NKAIN3: variants seen among roughly 807,000 people sequenced by gnomAD.
The protein encoded by NKAIN3 is sodium/potassium transporting ATPase interacting 3, also known as sodium/potassium-transporting ATPase subunit beta-1-interacting protein 3.
NKAIN3 carries 25 observed loss-of-function variants against 30.2 expected under a neutral mutation model. The ratio of observed to expected loss-of-function variants is 0.83; its 90% CI spans 0.60 to 1.16. The LOEUF (loss-of-function observed/expected upper bound fraction) is 1.16. Among genes scored for constraint, NKAIN3 ranks in the 50% most tolerant of loss-of-function variants. The pLI, the probability that NKAIN3 is intolerant of heterozygous loss-of-function variation, is 0.00. For missense variants in NKAIN3, 225 were observed against 254.1 expected (o/e 0.89, Z 0.78); for synonymous variants, 91 against 89.6 (o/e 1.02, Z -0.09).
intron 1 of NKAIN3, among the ~76,000 whole-genome samples, chr8:62,542,650 G>T (rs1178907019): frequency 6.6e-6 from 1 of 152,046 alleles, no homozygotes; most frequent in Admixed American, 6.5e-5. Flanking sequence ...TGACTAATTT[G>T]TAATTACTCA....
At chr8:62,269,250 C>G (rs373802284) in intron 1 of NKAIN3, among the ~76,000 whole-genome samples, 1 of 152,190 alleles carries the variant, frequency 6.6e-6, no homozygotes, top group African/African-American at 2.4e-5. Context: ...TGTGCCTTAG[C>G]TAGGCTTTCC....
At chr8:62,808,285 A>G (rs1818368821) in intron 4 of NKAIN3, among the ~76,000 whole-genome samples, 1 of 152,094 alleles carries the variant, frequency 6.6e-6, no homozygotes, top group Non-Finnish European at 1.5e-5. Context: ...AAACTTGTGA[A>G]CTCTTTAGTA....
intron 1 of NKAIN3, among the ~76,000 whole-genome samples, chr8:62,330,547 A>G (rs1051695359): frequency 2.0e-5 from 3 of 151,992 alleles, no homozygotes; most frequent in Non-Finnish European, 4.4e-5. Flanking sequence ...CACTTAACCC[A>G]TACCTGCCCC....
intron 1 of NKAIN3, among the ~76,000 whole-genome samples, chr8:62,555,934 G>A (rs888007126): frequency 4.6e-5 from 7 of 151,898 alleles, no homozygotes; most frequent in Non-Finnish European, 8.8e-5. Flanking sequence ...ATTAAAATGT[G>A]CCTAATGGAA....
At chr8:62,261,728 G>A (rs913124441) in intron 1 of NKAIN3, among the ~76,000 whole-genome samples, 4 of 152,162 alleles carry the variant, frequency 2.6e-5, no homozygotes, top group Non-Finnish European at 5.9e-5. Flanking sequence ...TTATTTGTGA[G>A]CACACCAAAA....
intron 4 of NKAIN3, among the ~76,000 whole-genome samples, chr8:62,876,216 TA>T (rs1161255339): frequency 6.6e-6 from 1 of 151,926 alleles, no homozygotes; most frequent in Non-Finnish European, 1.5e-5. Context: ...AACAAACACA[TA>T]AAAAAAGTTC....
intron 3 of NKAIN3, among the ~76,000 whole-genome samples, chr8:62,609,221 T>C (rs1211491948): frequency 6.6e-6 from 1 of 152,162 alleles, no homozygotes; most frequent in African/African-American, 2.4e-5. Context: ...GTTTTATTAT[T>C]AGTTTGCATT....
chr8:62,817,592 A>T (rs1818723387), intron 4 of NKAIN3, among the ~76,000 whole-genome samples: 1 of 152,110 alleles, frequency 6.6e-6, no homozygotes, highest in Non-Finnish European at 1.5e-5. Flanking sequence ...TCACCGAGCC[A>T]ACAGGCATCT....
chr8:62,887,057 G>C lies in NKAIN3; in HGVS notation c.472-31396G>C, dbSNP rs528156579. ...CTATGTGTCACATTTTCTTTATCCT[G>C]TCTATTATTGATGGACATTTGGGTT... On this transcript the variant is annotated intron_variant, in intron 4 of 6. Transcript: ENST00000623646. 2.0e-5 allele frequency among the ~76,000 whole-genome samples: 3 copies of C among 152,170 alleles called. No individual in the cohort carries two copies. In the East Asian group the frequency reaches 5.8e-4, roughly 29 times the overall value.
At chr8:62,400,290 C>T (rs190560404) in intron 1 of NKAIN3, among the ~76,000 whole-genome samples, 160 of 151,440 alleles carry the variant, frequency 1.1e-3, no homozygotes, top group African/African-American at 3.8e-3. Context: ...CTCAGCCACC[C>T]GCCCCCCAGT....
intron 1 of NKAIN3, among the ~76,000 whole-genome samples, chr8:62,403,321 A>C (rs1402966841): frequency 6.6e-6 from 1 of 152,242 alleles, no homozygotes; most frequent in African/African-American, 2.4e-5. Flanking sequence ...AGCCAGCTAC[A>C]GAAATCTGCA....
intron 1 of NKAIN3, among the ~76,000 whole-genome samples, chr8:62,402,660 G>A (rs184774962): frequency 6.6e-6 from 1 of 152,274 alleles, no homozygotes; most frequent in Non-Finnish European, 1.5e-5. Flanking sequence ...TTCCCCTTCT[G>A]CCATGGTTAT....
At position 62,619,763 on chromosome 8, in the gene NKAIN3, T is replaced by C. The variant is rs143576636; in HGVS notation, c.273+29969T>C. ...CACTAATGCGTGTTGGTAAAACCAC[T>C]GAACGAACATGCCTTTGGCTTTTAG... is the stretch of plus-strand genomic sequence containing the variant. On this transcript the variant is annotated intron_variant, in intron 3 of 6. Coordinates refer to ENST00000623646, the MANE Select transcript of NKAIN3 (RefSeq NM_001304533.3). Among the ~76,000 whole-genome samples the C allele has an allele frequency of 2.0e-3, 304 of 151,798 alleles. 3 individuals are homozygous for C. The highest frequency in any genetic ancestry group is 7.0e-3 in the African/African-American group (288 of 41,358).
At chr8:62,629,183 G>C (rs183168754) in intron 3 of NKAIN3, among the ~76,000 whole-genome samples, 1 of 152,096 alleles carries the variant, frequency 6.6e-6, no homozygotes, top group African/African-American at 2.4e-5. Flanking sequence ...CAAATCACCT[G>C]GATAGGGTGA....
At chr8:62,717,328 T>C (rs1455275409) in intron 3 of NKAIN3, among the ~76,000 whole-genome samples, 1 of 152,236 alleles carries the variant, frequency 6.6e-6, no homozygotes, top group African/African-American at 2.4e-5. Context: ...CTATAACATA[T>C]TAAGCTTCTC....
chr8:62,535,247 ACT>A (rs1160510389), intron 1 of NKAIN3, among the ~76,000 whole-genome samples: 1 of 151,860 alleles, frequency 6.6e-6, no homozygotes, highest in African/African-American at 2.4e-5. Context: ...TGTTCGGAAA[ACT>A]CTCTCTGTGT....
intron 1 of NKAIN3, among the ~76,000 whole-genome samples, chr8:62,291,138 TA>T (rs977816067): frequency 5.9e-5 from 9 of 152,192 alleles, no homozygotes; most frequent in African/African-American, 9.7e-5. Context: ...TTTTCTTCTT[TA>T]TTAGTCTTGC....
Position 62,932,465 on chromosome 8 carries a change from T to C in NKAIN3, c.532+13952T>C, listed in dbSNP as rs575119128. 1.2e-4 allele frequency among the ~76,000 whole-genome samples: 18 copies of C among 152,320 alleles called. No homozygotes were observed. The South Asian group carries it at 2.5e-3, about 21-fold the overall frequency. On this transcript the variant is annotated intron_variant, in intron 5 of 6. Transcript: ENST00000623646. ...AAATGTGGCTGCTCAGAACATATAG[T>C]ATGGTCTCATGTGCAAAATACACAT...
At chr8:62,866,534 A>G (rs1348444414) in intron 4 of NKAIN3, among the ~76,000 whole-genome samples, 1 of 152,224 alleles carries the variant, frequency 6.6e-6, no homozygotes, top group African/African-American at 2.4e-5. Context: ...AGGTGGCAAT[A>G]CAATTTTAGA....
Sources: allele counts gnomAD v4.1 joint callset (sites outside exome capture counted in the v4.1 genomes callset), GRCh38; gene constraint gnomAD v4.1.1; transcripts MANE v1.5; gene names NCBI Gene and HGNC (gene_info 2026-07-23, HGNC 2026-07-21).